ASXL2: variants seen among roughly 807,000 people sequenced by gnomAD.
ASXL2 encodes the protein ASXL transcriptional regulator 2.
In ASXL2, 23 loss-of-function variants were observed where a neutral mutation model predicts 122.0. That is an observed-to-expected ratio of 0.19 (90% confidence interval 0.14 to 0.27). The LOEUF (loss-of-function observed/expected upper bound fraction) is 0.27. ASXL2 is among the 10% of genes least tolerant of loss of function. ASXL2 has a pLI of 1.00. For synonymous variants in ASXL2, 650 were observed against 637.0 expected (o/e 1.02, Z -0.31); for missense variants, 1,518 against 1,713.8 (o/e 0.89, Z 2.02).
At chr2:25,772,093 T>C (rs2088465635) in intron 5 of ASXL2, among the ~76,000 whole-genome samples, 1 of 152,188 alleles carries the variant, frequency 6.6e-6, no homozygotes, top group Admixed American at 6.5e-5. Flanking sequence ...ATGTAACCAC[T>C]CTCTACTTCA....
intron 12 of ASXL2, among the ~76,000 whole-genome samples, chr2:25,749,310 G>A (rs6729339): frequency 0.27 from 40,982 of 152,080 alleles, 5,765 homozygotes; most frequent in African/African-American, 0.3. Flanking sequence ...AAGAGGTCCT[G>A]AGGAGACAGT....
chr2:25,771,739 G>T (rs1345848290), intron 5 of ASXL2, among the ~76,000 whole-genome samples, 199 bp from the exon 6 acceptor site: 4 of 152,122 alleles, frequency 2.6e-5, no homozygotes, highest in Non-Finnish European at 4.4e-5. Context: ...AGGATGATAG[G>T]ATAGGGAAGG....
chr2:25,780,535 A>G (rs1031531669), intron 5 of ASXL2, among the ~76,000 whole-genome samples: 5 of 152,324 alleles, frequency 3.3e-5, no homozygotes, highest in African/African-American at 9.6e-5. Flanking sequence ...AATGAAAATT[A>G]TTGGGTGGAA....
At chr2:25,783,183 A>G (rs775182794) in intron 5 of ASXL2, among the ~76,000 whole-genome samples, 14 of 152,246 alleles carry the variant, frequency 9.2e-5, no homozygotes, top group Non-Finnish European at 1.6e-4. Flanking sequence ...AATTTCTCTG[A>G]ACATGTGGGT....
At chr2:25,839,819 T>G (rs2089556270) in intron 2 of ASXL2, among the ~76,000 whole-genome samples, 1 of 151,574 alleles carries the variant, frequency 6.6e-6, no homozygotes. Flanking sequence ...ATATACGAGG[T>G]ACTAATAATA....
Position 25,740,397 on chromosome 2 carries a change from T to C in ASXL2, c.*1632A>G, listed in dbSNP as rs1447799228. ...TAAACTGTTCTGCATTTTGTAAATA[T>C]CACATCCTGAATATGAAGGACAAAT... On this transcript the variant is annotated 3_prime_UTR_variant, in exon 13 of 13. Transcript: ENST00000435504. The C allele has an allele frequency of 4.4e-6, 1 of 225,974 alleles. No homozygotes were observed. Among genetic ancestry groups the C allele is most frequent in the East Asian group, 6.4e-5 (1 of 15,666 alleles). The allele number at this position is 225,974 out of a possible 1,614,324, so 14.0% of individuals were successfully genotyped here. A position where few individuals can be genotyped will look rare whatever the true frequency, so the allele number is the denominator to read the frequency against.
chr2:25,842,454 T>G (rs984507589), intron 2 of ASXL2, among the ~76,000 whole-genome samples: 1 of 152,184 alleles, frequency 6.6e-6, no homozygotes, highest in Non-Finnish European at 1.5e-5. Context: ...CCTGCTGTTT[T>G]TGTTTGTTTT....
At position 25,767,576 on chromosome 2, in the gene ASXL2, A is replaced by C; in HGVS notation, c.775+7T>G. The stretch of plus-strand genomic sequence containing the variant: ...ATGAAAACTGAAGTCTTTGTAAGCA[A>C]ACTTACTGGTATGGAGTCTCTCAGA... On this transcript the variant is annotated splice_region_variant and intron_variant, in intron 8 of 12. Transcript: ENST00000435504. The C allele has an allele frequency of 1.2e-6, 2 of 1,608,334 alleles. No individual in the cohort carries two copies. The highest frequency in any genetic ancestry group is 1.7e-6 in the Non-Finnish European group (2 of 1,177,522).
intron 2 of ASXL2, among the ~76,000 whole-genome samples, chr2:25,836,433 G>C (rs544592773): frequency 6.6e-6 from 1 of 152,226 alleles, no homozygotes; most frequent in African/African-American, 2.4e-5. Flanking sequence ...AAGTAGTAGA[G>C]AATATTGACT....
At chr2:25,746,601 G>A (rs1313219640) in intron 12 of ASXL2, among the ~76,000 whole-genome samples, 11 of 151,718 alleles carry the variant, frequency 7.3e-5, no homozygotes, top group Non-Finnish European at 1.2e-4. Context: ...AAGAATACTC[G>A]TGAGAGTAAC....
chr2:25,769,934 CTA>C (rs1265931228), intron 6 of ASXL2, among the ~76,000 whole-genome samples: 1 of 152,218 alleles, frequency 6.6e-6, no homozygotes, highest in African/African-American at 2.4e-5. Context: ...TGAGAGAGCT[CTA>C]TGTCTCGCTT....
chr2:25,811,283 A>G (rs1268853045), intron 3 of ASXL2, among the ~76,000 whole-genome samples: 3 of 151,818 alleles, frequency 2.0e-5, no homozygotes, highest in African/African-American at 7.3e-5. Flanking sequence ...AATAAATAAC[A>G]AAAGAAAACA....
chr2:25,772,058 T>A (rs2088465159), intron 5 of ASXL2, among the ~76,000 whole-genome samples: 1 of 152,226 alleles, frequency 6.6e-6, no homozygotes, highest in Non-Finnish European at 1.5e-5. Context: ...ATGTCTCTAA[T>A]GGAAGCAATT....
intron 1 of ASXL2, among the ~76,000 whole-genome samples, chr2:25,852,834 C>T (rs2149196659): frequency 6.6e-6 from 1 of 152,282 alleles, no homozygotes; most frequent in Non-Finnish European, 1.5e-5. Context: ...AATGTATCCC[C>T]TGTATTTGTC....
chr2:25,763,265 C>T (rs947992164), intron 8 of ASXL2, among the ~76,000 whole-genome samples: 2 of 151,882 alleles, frequency 1.3e-5, no homozygotes, highest in Non-Finnish European at 2.9e-5. Context: ...CTGAGGCGGG[C>T]GGTATCACGA....
At chr2:25,848,886 A>T (rs1217577431) in intron 1 of ASXL2, among the ~76,000 whole-genome samples, 2 of 149,412 alleles carry the variant, frequency 1.3e-5, no homozygotes, top group Admixed American at 6.7e-5. Flanking sequence ...TCTCTACTAA[A>T]AATACAAAAA....
chr2:25,755,327 C>T lies in ASXL2; in HGVS notation c.1036+691G>A, dbSNP rs114613794. On this transcript the variant is annotated intron_variant, in intron 10 of 12. Transcript: ENST00000435504. ...CACATCAGTATTTTTAAAAACACCACAGGTGTTTTTCAGCTGTAGAGGTGA... is the reference window on the plus strand; with the variant it reads ...CACATCAGTATTTTTAAAAACACCATAGGTGTTTTTCAGCTGTAGAGGTGA... 2.4e-3 allele frequency among the ~76,000 whole-genome samples: 366 copies of T among 152,246 alleles called. 2 individuals are homozygous for T. Among genetic ancestry groups the T allele is most frequent in the African/African-American group, 8.4e-3 (349 of 41,534 alleles).
intron 1 of ASXL2, among the ~76,000 whole-genome samples, chr2:25,852,535 A>G (rs573603344): frequency 1.6e-4 from 24 of 152,360 alleles, no homozygotes; most frequent in African/African-American, 5.5e-4. Context: ...ATAAAGTTCT[A>G]TCAGTGTTAA....
intron 8 of ASXL2, among the ~76,000 whole-genome samples, chr2:25,763,196 TG>T (rs2088283928): frequency 6.6e-6 from 1 of 152,050 alleles, no homozygotes; most frequent in Non-Finnish European, 1.5e-5. Context: ...CTAAAAAAGC[TG>T]ATTTCAGGCT....
Sources: allele counts gnomAD v4.1 joint callset (sites outside exome capture counted in the v4.1 genomes callset), GRCh38; gene constraint gnomAD v4.1.1; transcripts MANE v1.5; gene names NCBI Gene and HGNC (gene_info 2026-07-23, HGNC 2026-07-21).